Variants in PRKG1 observed in about 807,000 individuals in gnomAD.
The protein encoded by PRKG1 is cGMP-dependent protein kinase 1.
PRKG1 carries 35 observed loss-of-function variants against 88.1 expected under a neutral mutation model. The observed-to-expected ratio is 0.40, with a 90% confidence interval of 0.30 to 0.53. PRKG1 has a LOEUF of 0.53. Among genes scored for constraint, PRKG1 ranks in the 20% least tolerant of loss-of-function variants. PRKG1 has a pLI of 0.59. For synonymous variants in PRKG1, 303 were observed against 292.5 expected (o/e 1.04, Z -0.37); for missense variants, 540 against 839.8 (o/e 0.64, Z 4.41).
intron 2 of PRKG1, among the ~76,000 whole-genome samples, chr10:51,432,650 C>A (rs572447663): frequency 4.2e-4 from 64 of 151,478 alleles, no homozygotes; most frequent in African/African-American, 1.5e-3. Flanking sequence ...CTACCAGGGG[C>A]AGAGCTCAAG....
intron 4 of PRKG1, among the ~76,000 whole-genome samples, chr10:51,830,600 C>T (rs1463472449): frequency 2.3e-5 from 3 of 127,862 alleles, no homozygotes; most frequent in East Asian, 2.4e-4. Context: ...CTCACTCTGT[C>T]GGCCAGGCTG....
intron 14 of PRKG1, among the ~76,000 whole-genome samples, chr10:52,284,300 T>C (rs1208327973): frequency 1.3e-5 from 2 of 152,070 alleles, no homozygotes; most frequent in Admixed American, 6.6e-5. Flanking sequence ...TGTTGTATTT[T>C]CAAAACCAAA....
intron 2 of PRKG1, among the ~76,000 whole-genome samples, chr10:51,180,535 A>G (rs1202840165): frequency 1.3e-5 from 2 of 152,230 alleles, no homozygotes; most frequent in African/African-American, 4.8e-5. Flanking sequence ...AAATGTAAGT[A>G]TGATATTCTG....
chr10:52,288,290 G>A (rs1358293509), intron 14 of PRKG1, among the ~76,000 whole-genome samples: 1 of 152,096 alleles, frequency 6.6e-6, no homozygotes. Flanking sequence ...ACAGAGAGAA[G>A]GCTATTGTTT....
At chr10:52,282,528 T>C (rs1842023603) in intron 14 of PRKG1, among the ~76,000 whole-genome samples, 1 of 152,116 alleles carries the variant, frequency 6.6e-6, no homozygotes, top group Non-Finnish European at 1.5e-5. Context: ...ACTTTTGGTC[T>C]CATTATTGCT....
At chr10:51,725,222 A>G (rs191200543) in intron 3 of PRKG1, among the ~76,000 whole-genome samples, 52 of 152,300 alleles carry the variant, frequency 3.4e-4, no homozygotes, top group Non-Finnish European at 6.9e-4. Context: ...ATGGCAAAAA[A>G]TTCAGATGTG....
At chr10:51,126,496 A>T (rs1845425491) in intron 1 of PRKG1, among the ~76,000 whole-genome samples, 1 of 144,450 alleles carries the variant, frequency 6.9e-6, no homozygotes, top group South Asian at 2.1e-4. Flanking sequence ...ATAAATGTAT[A>T]AATTATATAA....
At chr10:51,578,731 A>G (rs553765224) in intron 3 of PRKG1, among the ~76,000 whole-genome samples, 155 of 152,164 alleles carry the variant, frequency 1.0e-3, no homozygotes, top group Admixed American at 2.0e-3. Flanking sequence ...AACATTTTCA[A>G]TAGAGTCTGT....
intron 3 of PRKG1, among the ~76,000 whole-genome samples, chr10:51,591,078 G>A (rs1838299998): frequency 6.6e-6 from 1 of 152,096 alleles, no homozygotes; most frequent in South Asian, 2.1e-4. Flanking sequence ...CACACACAAG[G>A]AACAGTAGAA....
chr10:51,779,384 T>C (rs1220055078), intron 3 of PRKG1, among the ~76,000 whole-genome samples: 1 of 152,090 alleles, frequency 6.6e-6, no homozygotes, highest in Non-Finnish European at 1.5e-5. Flanking sequence ...CTCTGGGAGA[T>C]ACCAAAGACA....
At chr10:51,503,820 G>A (rs1841110173) in intron 3 of PRKG1, among the ~76,000 whole-genome samples, 1 of 152,082 alleles carries the variant, frequency 6.6e-6, no homozygotes, top group Non-Finnish European at 1.5e-5. Context: ...TCTTGAAAGA[G>A]CTTTATTTTT....
At chr10:51,640,013 G>A (rs72797321) in intron 3 of PRKG1, among the ~76,000 whole-genome samples, 13,599 of 152,182 alleles carry the variant, frequency 0.089, 802 homozygotes, top group Admixed American at 0.13. Flanking sequence ...CTCAAGGAAT[G>A]GTTGTAAAGA....
intron 2 of PRKG1, among the ~76,000 whole-genome samples, chr10:51,235,910 A>T (rs1838975704): frequency 6.6e-6 from 1 of 152,180 alleles, no homozygotes. Flanking sequence ...AATTTGCAAG[A>T]TTTCTTTCTT....
At chr10:51,031,070 T>G (rs1193337688) in intron 1 of PRKG1, among the ~76,000 whole-genome samples, 4 of 152,188 alleles carry the variant, frequency 2.6e-5, no homozygotes, top group African/African-American at 4.8e-5. Context: ...CTTTCCTACC[T>G]TCACAGATTA....
At chr10:51,511,632 A>G (rs1841410467) in intron 3 of PRKG1, among the ~76,000 whole-genome samples, 1 of 152,224 alleles carries the variant, frequency 6.6e-6, no homozygotes, top group Admixed American at 6.5e-5. Flanking sequence ...TAAACTTATA[A>G]TGAAATATCA....
intron 4 of PRKG1, among the ~76,000 whole-genome samples, chr10:51,872,670 T>C (rs1455192968): frequency 1.3e-5 from 2 of 152,220 alleles, no homozygotes; most frequent in Non-Finnish European, 2.9e-5. Context: ...GGTAAATCCT[T>C]ATATGCTGTA....
chr10:51,768,074 A>G (rs1226770600), intron 3 of PRKG1, among the ~76,000 whole-genome samples: 1 of 152,164 alleles, frequency 6.6e-6, no homozygotes, highest in East Asian at 1.9e-4. Flanking sequence ...TAGCAAAAAT[A>G]TCTTCAAAAT....
At chr10:51,785,643 G>T (rs1047491085) in intron 3 of PRKG1, among the ~76,000 whole-genome samples, 31 of 152,074 alleles carry the variant, frequency 2.0e-4, no homozygotes, top group Admixed American at 1.6e-3. Context: ...TTGATTATCT[G>T]CCAACTCTGC....
intron 3 of PRKG1, among the ~76,000 whole-genome samples, chr10:51,755,555 A>AT (rs1837838192): frequency 6.6e-6 from 1 of 152,194 alleles, no homozygotes; most frequent in East Asian, 1.9e-4. Context: ...TAACCTAAGC[A>AT]TTTTTTGCAC....
Sources: allele counts gnomAD v4.1 joint callset (sites outside exome capture counted in the v4.1 genomes callset), GRCh38; gene constraint gnomAD v4.1.1; transcripts MANE v1.5; gene names NCBI Gene and HGNC (gene_info 2026-07-23, HGNC 2026-07-21).